Variants in CABCOCO1 observed in about 807,000 individuals in gnomAD.
CABCOCO1 encodes ciliary associated calcium binding coiled-coil 1, also known as ciliary-associated calcium-binding coiled-coil protein 1.
In CABCOCO1, 28 loss-of-function variants were observed where a neutral mutation model predicts 35.7. The observed-to-expected ratio is 0.78, with a 90% CI of 0.58 to 1.07. The LOEUF (loss-of-function observed/expected upper bound fraction) is 1.07. Ranked by LOEUF, CABCOCO1 falls within the 50% of genes least tolerant of loss-of-function variation. The pLI, the probability that CABCOCO1 is intolerant of heterozygous loss-of-function variation, is 0.00. For synonymous variants in CABCOCO1, 95 were observed against 100.1 expected (o/e 0.95, Z 0.30); for missense variants, 326 against 309.2 (o/e 1.05, Z -0.41).
At chr10:61,738,780 A>G (rs1236828309) in intron 5 of CABCOCO1, among the ~76,000 whole-genome samples, 4 of 152,220 alleles carry the variant, frequency 2.6e-5, no homozygotes, top group Non-Finnish European at 2.9e-5. Flanking sequence ...AGCCCAAATA[A>G]CTTTGAATTT....
chr10:61,755,080 T>C (rs1006625969), intron 5 of CABCOCO1, among the ~76,000 whole-genome samples: 3 of 152,156 alleles, frequency 2.0e-5, no homozygotes, highest in Admixed American at 2.0e-4. Context: ...TTACAGAGTA[T>C]ATTAAGAAGT....
chr10:61,728,961 G>GT (rs773299510), intron 5 of CABCOCO1, among the ~76,000 whole-genome samples: 189 of 152,256 alleles, frequency 1.2e-3, no homozygotes, highest in Non-Finnish European at 1.9e-3. Flanking sequence ...ATGGTTACAT[G>GT]TGGGGGGAAC....
chr10:61,737,461 C>A (rs141303892), intron 5 of CABCOCO1, among the ~76,000 whole-genome samples: 4,344 of 152,212 alleles, frequency 0.029, 234 homozygotes, highest in African/African-American at 0.099. Flanking sequence ...TGGGTATATA[C>A]CCAGAGGAAT....
At chr10:61,757,901 A>G (rs560200354) in intron 5 of CABCOCO1, among the ~76,000 whole-genome samples, 13 of 152,200 alleles carry the variant, frequency 8.5e-5, no homozygotes, top group African/African-American at 3.1e-4. Flanking sequence ...GGCCAGTGGT[A>G]GAATCTGCTA....
At position 61,764,002 on chromosome 10, in the gene CABCOCO1, GT is replaced by G. The variant is rs1199007184; in HGVS notation, c.817-1936del. Among the ~76,000 whole-genome samples, 5 of 152,018 alleles carry G rather than the reference GT, an allele frequency of 3.3e-5. No individual in the cohort carries two copies. The East Asian group carries it at 7.7e-4, about 23-fold the overall frequency. ...TCTGAGACATTACTCACCTCTGTCA[GT>G]ATGCCACTCTCTTAGCTGCCCCTTC... is the stretch of plus-strand genomic sequence containing the variant. On this transcript the variant is annotated intron_variant, in intron 7 of 7. Transcript: ENST00000648843.
At chr10:61,681,072 T>G in intron 2 of CABCOCO1, 71 bp from the exon 3 acceptor site, 1 of 970,982 alleles carries the variant, frequency 1.0e-6, no homozygotes, top group South Asian at 2.5e-5. Context: ...AGACCTGTTT[T>G]CAAAACTTAG....
At chr10:61,703,795 T>C (rs1840526249) in intron 5 of CABCOCO1, among the ~76,000 whole-genome samples, 2 of 152,016 alleles carry the variant, frequency 1.3e-5, no homozygotes, top group Admixed American at 1.3e-4. Flanking sequence ...CCTAGGAGCT[T>C]GAGGGAAATG....
At chr10:61,707,687 T>A (rs1011979203) in intron 5 of CABCOCO1, among the ~76,000 whole-genome samples, 2 of 152,174 alleles carry the variant, frequency 1.3e-5, no homozygotes, top group Non-Finnish European at 2.9e-5. Context: ...TATGTGTTTT[T>A]AATCACTAAA....
At chr10:61,671,656 A>G (rs1226438999) in intron 1 of CABCOCO1, among the ~76,000 whole-genome samples, 1 of 152,058 alleles carries the variant, frequency 6.6e-6, no homozygotes, top group Non-Finnish European at 1.5e-5. Context: ...CTTTTCATCC[A>G]CACTGCCAAG....
intron 2 of CABCOCO1, among the ~76,000 whole-genome samples, chr10:61,678,798 A>G (rs1312980457): frequency 6.6e-6 from 1 of 152,098 alleles, no homozygotes. Flanking sequence ...CCATCATAGA[A>G]CAATAATTAT....
chr10:61,761,077 A>C, intron 7 of CABCOCO1, 74 bp downstream of exon 7: 1 of 1,484,628 alleles, frequency 6.7e-7, no homozygotes, highest in African/African-American at 1.4e-5. Flanking sequence ...AATGTCTATA[A>C]ACACTCCCCA....
At chr10:61,736,550 A>G (rs2132060957) in intron 5 of CABCOCO1, among the ~76,000 whole-genome samples, 1 of 152,234 alleles carries the variant, frequency 6.6e-6, no homozygotes. Context: ...GTAGCTATGT[A>G]GTATAGTTTC....
intron 2 of CABCOCO1, among the ~76,000 whole-genome samples, chr10:61,679,325 A>ATATCTATATCTATC (rs1554821372): frequency 7.4e-6 from 1 of 134,320 alleles, no homozygotes; most frequent in South Asian, 2.4e-4. Context: ...ATCTATATCT[A>ATATCTATATCTATC]TATCTATCTA....
chr10:61,750,922 C>T (rs1841767864), intron 5 of CABCOCO1, among the ~76,000 whole-genome samples: 1 of 152,154 alleles, frequency 6.6e-6, no homozygotes, highest in Non-Finnish European at 1.5e-5. Context: ...CCCACGTCCT[C>T]GAGTTGTTTC....
intron 1 of CABCOCO1, among the ~76,000 whole-genome samples, chr10:61,669,453 A>G (rs1210667663): frequency 6.6e-6 from 1 of 152,046 alleles, no homozygotes; most frequent in Non-Finnish European, 1.5e-5. Flanking sequence ...CACATATTTT[A>G]GCTTATTTAT....
intron 1 of CABCOCO1, among the ~76,000 whole-genome samples, chr10:61,672,143 G>T (rs1481303161): frequency 1.3e-5 from 2 of 152,148 alleles, no homozygotes; most frequent in Non-Finnish European, 2.9e-5. Context: ...ACCTTCCAAA[G>T]CCTATTCCTG....
intron 5 of CABCOCO1, among the ~76,000 whole-genome samples, chr10:61,732,992 G>A (rs1841338362): frequency 6.6e-6 from 1 of 151,940 alleles, no homozygotes; most frequent in South Asian, 2.1e-4. Context: ...GTTTGGAAAT[G>A]CTTTGATATT....
intron 5 of CABCOCO1, among the ~76,000 whole-genome samples, chr10:61,699,011 A>T (rs1840368873): frequency 6.6e-6 from 1 of 152,146 alleles, no homozygotes; most frequent in Admixed American, 6.6e-5. Flanking sequence ...GATGTTTTTA[A>T]TCTTGAAAAA....
chr10:61,718,535 G>A (rs1840922831), intron 5 of CABCOCO1, among the ~76,000 whole-genome samples: 1 of 152,098 alleles, frequency 6.6e-6, no homozygotes, highest in Admixed American at 6.5e-5. Flanking sequence ...TAAATATGAA[G>A]CAAAGGTCAG....
Sources: allele counts gnomAD v4.1 joint callset (sites outside exome capture counted in the v4.1 genomes callset), GRCh38; gene constraint gnomAD v4.1.1; transcripts MANE v1.5; gene names NCBI Gene and HGNC (gene_info 2026-07-23, HGNC 2026-07-21).